The following PRRC2B variants were observed in gnomAD, a reference collection of about 807,000 sequenced individuals.
The protein encoded by PRRC2B is protein PRRC2B.
A neutral mutation model predicts 242.3 loss-of-function variants in PRRC2B; 68 were observed. The ratio of observed to expected loss-of-function variants is 0.28; its 90% CI spans 0.23 to 0.34. PRRC2B has a LOEUF of 0.34. Ranked by LOEUF, PRRC2B falls within the 10% of genes least tolerant of loss-of-function variation. The probability of loss-of-function intolerance (pLI) is 1.00; values close to 1 mark genes in which losing one functional copy is unlikely to be tolerated. For synonymous variants in PRRC2B, 1,228 were observed against 1,173.6 expected, an observed-to-expected ratio of 1.05 and a Z score of -0.95; for missense variants, 2,835 against 2,954.8, an observed-to-expected ratio of 0.96 and a Z score of 0.94.
chr9:131,419,346 G>A (rs900419767), intron 1 of PRRC2B, among the ~76,000 whole-genome samples: 1 of 152,152 alleles, frequency 6.6e-6, no homozygotes, highest in African/African-American at 2.4e-5. Flanking sequence ...TTGAAGGTCT[G>A]CTCTCTGTAC....
chr9:131,486,143 G>T lies in PRRC2B; in HGVS notation c.5817G>T (p.Leu1939=), dbSNP rs528622339. 1.2e-6 allele frequency: 2 copies of T among 1,612,874 alleles called. No individual in the cohort carries two copies. Among genetic ancestry groups the T allele is most frequent in the African/African-American group, 2.7e-5 (2 of 75,030 alleles). Residue 1939 remains leucine, a synonymous_variant, in exon 26 of 32, where the codon CTG becomes CTT. Coordinates refer to ENST00000683519, the MANE Select transcript of PRRC2B (RefSeq NM_013318.4). ...DGHVFASQPR[L]VPQTIPQQQS... The stretch of plus-strand genomic sequence containing the variant: ...ATGTGTTTGCAAGTCAGCCCCGGCT[G>T]GTTCCTCAAACGATACCTCAGCAGC...
intron 1 of PRRC2B, among the ~76,000 whole-genome samples, chr9:131,395,974 A>G (rs1392727263): frequency 6.6e-6 from 1 of 152,168 alleles, no homozygotes; most frequent in Non-Finnish European, 1.5e-5. Context: ...ATCATCTGAG[A>G]GTGAGTTTCT....
At chr9:131,457,625 C>T (rs180880009) in intron 10 of PRRC2B, among the ~76,000 whole-genome samples, 1 of 152,268 alleles carries the variant, frequency 6.6e-6, no homozygotes, top group Non-Finnish European at 1.5e-5. Flanking sequence ...CTCCTCTTTT[C>T]ATTTTCTCTG....
At chr9:131,419,125 C>T (rs1427761223) in intron 1 of PRRC2B, among the ~76,000 whole-genome samples, 1 of 152,172 alleles carries the variant, frequency 6.6e-6, no homozygotes, top group Admixed American at 6.5e-5. Context: ...TCTATTGTAA[C>T]ATCAGAGGGT....
intron 9 of PRRC2B, among the ~76,000 whole-genome samples, chr9:131,450,550 C>T (rs1308365066): frequency 6.6e-6 from 1 of 150,894 alleles, no homozygotes; most frequent in Non-Finnish European, 1.5e-5. Flanking sequence ...CAGGCGTGAG[C>T]CACTGCACCC....
rs1167701021 is a variant in PRRC2B at position 131,475,793 on chromosome 9, A to G, written c.3664A>G (p.Lys1222Glu). ...CGYGRRTFVS[K>E]ESPHWQSKSP... ...GTATGGACGGAGAACCTTCGTCTCC[A>G]AAGAGTCACCCCACTGGCAGAGCAA... is the stretch of plus-strand genomic sequence containing the variant. Residue 1222 changes from lysine to glutamate, a missense_variant, in exon 16 of 32, where the codon AAA becomes GAA. By Grantham distance (56) the Lys-to-Glu change is moderately conservative. This residue lies in a region of PRRC2B where 1,536 missense variants were observed against 1,483.1 expected (regional missense o/e 1.04). Coordinates refer to ENST00000683519, the MANE Select transcript of PRRC2B (RefSeq NM_013318.4). 1 of 1,613,088 alleles carries G rather than the reference A, an allele frequency of 6.2e-7. No individual in the cohort carries two copies. The highest frequency in any genetic ancestry group is 1.3e-5 in the African/African-American group (1 of 74,922).
intron 1 of PRRC2B, among the ~76,000 whole-genome samples, chr9:131,400,273 G>A (rs1164808607): frequency 6.6e-6 from 1 of 151,820 alleles, no homozygotes; most frequent in Non-Finnish European, 1.5e-5. Context: ...TTTTTGTGGA[G>A]ACGGGGTTTC....
At chr9:131,451,461 A>G (rs1175801791) in intron 9 of PRRC2B, among the ~76,000 whole-genome samples, 3 of 152,164 alleles carry the variant, frequency 2.0e-5, no homozygotes, top group Non-Finnish European at 4.4e-5. Flanking sequence ...TTTGTTGAAT[A>G]TACATTAGTT....
chr9:131,466,338 C>T (rs1473135215), intron 12 of PRRC2B, among the ~76,000 whole-genome samples: 1 of 152,142 alleles, frequency 6.6e-6, no homozygotes, highest in Non-Finnish European at 1.5e-5. Context: ...GCACTGTTTT[C>T]AGTATATTAT....
rs779245761 is a variant in PRRC2B at position 131,491,416 on chromosome 9, G to A, written c.6226-9G>A. On this transcript the variant is annotated splice_polypyrimidine_tract_variant and intron_variant, in intron 28 of 31. Transcript: ENST00000683519. ...ATTCCCCCTCCTGACTGTCATTGTC[G>A]CCCAGCAGCTGACCATGCCACTGCC... The A allele has an allele frequency of 1.0e-5, 16 of 1,582,016 alleles. No homozygotes were observed. Among genetic ancestry groups the A allele is most frequent in the Admixed American group, 9.0e-5 (5 of 55,264 alleles).
In PRRC2B at chr9:131,499,752, G is replaced by A. The variant is rs1944418275; in HGVS notation, c.*3878G>A. ...TCAGCATGTTCTGAAGCCTCAGAGT[G>A]GAAATTCCTGCTAAGGCTCTGTGTG... On this transcript the variant is annotated 3_prime_UTR_variant, in exon 32 of 32. Coordinates refer to ENST00000683519, the MANE Select transcript of PRRC2B (RefSeq NM_013318.4). 6.6e-6 allele frequency: 1 copy of A among 152,194 alleles called. No homozygotes were observed. The allele number at this position is 152,194 out of a possible 1,614,324, so 9.4% of individuals were successfully genotyped here.
Position 131,496,069 on chromosome 9 carries a change from G to A in PRRC2B, c.*195G>A. ...ACCCGTGGATATATGGCATTGACCC[G>A]CTTGCTTTGATACGAAACAAAAAAG... is the stretch of plus-strand genomic sequence containing the variant. On this transcript the variant is annotated 3_prime_UTR_variant, in exon 32 of 32. Transcript: ENST00000683519. The A allele has an allele frequency of 1.5e-6, 1 of 683,100 alleles. No individual in the cohort carries two copies. Among genetic ancestry groups the A allele is most frequent in the Non-Finnish European group, 2.4e-6 (1 of 422,068 alleles). 42.3% of individuals were successfully genotyped at this position (683,100 alleles called of 1,614,324 possible).
Position 131,482,140 on chromosome 9 carries a change from C to T in PRRC2B, c.4984-231C>T, listed in dbSNP as rs1006892748. ...TCACAAGTGAGATGGGTTTGGCAGC[C>T]TCGGTCTGGGGCCCATAGAAGATCC... is the stretch of plus-strand genomic sequence containing the variant. On this transcript the variant is annotated intron_variant, in intron 20 of 31. Transcript: ENST00000683519. The surrounding 1 kb of genome is among the most constrained non-coding windows in gnomAD (Gnocchi z 5.2). Among the ~76,000 whole-genome samples the T allele has an allele frequency of 6.6e-6, 1 of 152,194 alleles. No individual in the cohort carries two copies. Among genetic ancestry groups the T allele is most frequent in the African/African-American group, 2.4e-5 (1 of 41,440 alleles).
intron 1 of PRRC2B, among the ~76,000 whole-genome samples, chr9:131,419,295 C>G (rs763784908): frequency 1.2e-4 from 19 of 152,326 alleles, no homozygotes; most frequent in South Asian, 6.2e-4. Context: ...AAGGGGTCCA[C>G]TAGCAGATCC....
chr9:131,467,470 G>T, intron 12 of PRRC2B, 93 bp from the exon 13 acceptor site: 1 of 1,133,348 alleles, frequency 8.8e-7, no homozygotes, highest in Non-Finnish European at 1.2e-6. Context: ...TGGAGCGTAC[G>T]GGCCAACAGG....
Position 131,488,055 on chromosome 9 carries a change from G to A in PRRC2B, c.6184G>A (p.Gly2062Ser). The A allele has an allele frequency of 1.9e-6, 3 of 1,613,334 alleles. No individual in the cohort carries two copies. The highest frequency in any genetic ancestry group is 2.5e-6 in the Non-Finnish European group (3 of 1,179,576). The change falls in exon 28 of 32, where the codon GGC becomes AGC. Residue 2062 changes from glycine (G) to serine (S), a missense_variant. By Grantham distance (56) the Gly-to-Ser change is moderately conservative. Transcript: ENST00000683519. The stretch of plus-strand genomic sequence containing the variant: ...CGAGGGCCAGCTCAGCCAGGCTGCT[G>A]GCCTGGGTGCCTCCCAGATGTTGGA... Reference protein sequence around the residue: ...VYEGQLSQAAGLGASQMLDSQ... With the variant: ...VYEGQLSQAASLGASQMLDSQ...
chr9:131,445,207 G>A (rs766371175), intron 6 of PRRC2B, among the ~76,000 whole-genome samples: 25 of 152,036 alleles, frequency 1.6e-4, no homozygotes, highest in Middle Eastern at 3.4e-3. Flanking sequence ...GTTGCCCAGG[G>A]TGGAGTGCAA....
At chr9:131,410,060 G>A (rs1236096169) in intron 1 of PRRC2B, among the ~76,000 whole-genome samples, 1 of 152,222 alleles carries the variant, frequency 6.6e-6, no homozygotes, top group Non-Finnish European at 1.5e-5. Flanking sequence ...GGAGGCCTTT[G>A]TATAGCACAT....
chr9:131,411,199 G>C (rs1194188935), intron 1 of PRRC2B, among the ~76,000 whole-genome samples: 1 of 151,946 alleles, frequency 6.6e-6, no homozygotes, highest in African/African-American at 2.4e-5. Flanking sequence ...GGAGATTGCA[G>C]TGAGCCGAGA....
Sources: gnomAD v4.1 joint callset for allele counts (sites outside exome capture counted in the v4.1 genomes callset) on GRCh38, gnomAD v4.1.1 for gene constraint, gnomAD v4.1.1 regional missense constraint, Gnocchi (gnomAD v3.1) non-coding constraint, MANE v1.5 for transcripts, NCBI Gene and HGNC (gene_info 2026-07-23, HGNC 2026-07-21) for gene names.